BAZ1B: variants seen among roughly 807,000 people sequenced by gnomAD.
The protein encoded by BAZ1B is bromodomain adjacent to zinc finger domain 1B, also known as tyrosine-protein kinase BAZ1B.
BAZ1B carries 22 observed loss-of-function variants against 153.8 expected under a neutral mutation model. The ratio of observed to expected loss-of-function variants is 0.14; its 90% CI spans 0.10 to 0.20. The LOEUF is 0.20. Ranked by LOEUF, BAZ1B falls within the 10% of genes least tolerant of loss-of-function variation. The pLI, the probability that BAZ1B is intolerant of heterozygous loss-of-function variation, is 1.00. For synonymous variants in BAZ1B, 676 were observed against 633.4 expected, an observed-to-expected ratio of 1.07 and a Z score of -1.01; for missense variants, 1,325 against 1,799.3, an observed-to-expected ratio of 0.74 and a Z score of 4.77.
intron 5 of BAZ1B, among the ~76,000 whole-genome samples, chr7:73,490,300 CAATA>C (rs1789584050): frequency 6.6e-6 from 1 of 151,822 alleles, no homozygotes. Context: ...GTTTAGCACA[CAATA>C]AATGAAAAAA....
At chr7:73,459,967 G>A (rs1185331433) in intron 12 of BAZ1B, among the ~76,000 whole-genome samples, 4 of 151,966 alleles carry the variant, frequency 2.6e-5, no homozygotes, top group Non-Finnish European at 5.9e-5. Flanking sequence ...GGCCAAGGCG[G>A]GCGAATCACC....
At chr7:73,465,790 C>CATA (rs1788561104) in intron 10 of BAZ1B, among the ~76,000 whole-genome samples, 1 of 152,076 alleles carries the variant, frequency 6.6e-6, no homozygotes, top group African/African-American at 2.4e-5. Flanking sequence ...AGTTAATTGG[C>CATA]ATACTTGTCC....
At chr7:73,489,075 A>T (rs1309663258) in intron 6 of BAZ1B, 119 bp downstream of exon 6, 14 of 1,087,436 alleles carry the variant, frequency 1.3e-5, no homozygotes, top group Admixed American at 1.1e-4. Context: ...TACCTGAAAA[A>T]TTTTTAATTC....
intron 3 of BAZ1B, among the ~76,000 whole-genome samples, chr7:73,506,881 C>CTTT (rs782216219): frequency 3.2e-5 from 4 of 123,264 alleles, no homozygotes; most frequent in African/African-American, 1.2e-4. Flanking sequence ...GTCTTAAAGT[C>CTTT]TTTTTTTTTT....
intron 16 of BAZ1B, among the ~76,000 whole-genome samples, chr7:73,444,372 G>A (rs1787745634): frequency 6.6e-6 from 1 of 152,168 alleles, no homozygotes; most frequent in Middle Eastern, 3.2e-3. Flanking sequence ...AGAGGGCTAG[G>A]TCCTTCAGTA....
At chr7:73,443,565 AACT>A (rs1787710899) in intron 17 of BAZ1B, among the ~76,000 whole-genome samples, 1 of 152,158 alleles carries the variant, frequency 6.6e-6, no homozygotes, top group Non-Finnish European at 1.5e-5. Flanking sequence ...GAGATCTAAA[AACT>A]ACTAAAATTA....
chr7:73,480,333 A>C (rs1789154010), intron 6 of BAZ1B, among the ~76,000 whole-genome samples: 1 of 152,062 alleles, frequency 6.6e-6, no homozygotes, highest in Non-Finnish European at 1.5e-5. Flanking sequence ...CATCATATAC[A>C]ATCAGTTAAC....
intron 13 of BAZ1B, 146 bp downstream of exon 13, chr7:73,459,389 TA>T (rs372881709): frequency 0.13 from 79,308 of 605,944 alleles, 84 homozygotes; most frequent in Middle Eastern, 0.17. Flanking sequence ...AGAAAGTGAT[TA>T]AAAAAAAAAA....
At chr7:73,499,033 AT>A (rs1440277967) in intron 3 of BAZ1B, among the ~76,000 whole-genome samples, 4 of 150,246 alleles carry the variant, frequency 2.7e-5, no homozygotes, top group Non-Finnish European at 1.5e-5. Context: ...ACTTATTATT[AT>A]TTTTTTTTTG....
chr7:73,500,124 T>C (rs1554576944), intron 3 of BAZ1B, among the ~76,000 whole-genome samples: 1 of 152,198 alleles, frequency 6.6e-6, no homozygotes, highest in Admixed American at 6.6e-5. Context: ...GTCTACCCTT[T>C]AATTGAAATG....
At chr7:73,492,617 C>A (rs184249295) in intron 5 of BAZ1B, among the ~76,000 whole-genome samples, 183 bp downstream of exon 5, 2 of 152,286 alleles carry the variant, frequency 1.3e-5, no homozygotes, top group East Asian at 3.9e-4. Context: ...ATGGTATCTT[C>A]TAGGAAAGAA....
At chr7:73,518,345 G>A (rs945563862) in intron 1 of BAZ1B, among the ~76,000 whole-genome samples, 4 of 151,866 alleles carry the variant, frequency 2.6e-5, no homozygotes, top group East Asian at 1.9e-4. Flanking sequence ...CCCGGGAGGC[G>A]GAGCTTGCAG....
At chr7:73,483,466 T>C (rs1789277395) in intron 6 of BAZ1B, among the ~76,000 whole-genome samples, 1 of 152,246 alleles carries the variant, frequency 6.6e-6, no homozygotes, top group Non-Finnish European at 1.5e-5. Context: ...CTTTTCTCAA[T>C]TTCCACATGC....
At position 73,478,266 on chromosome 7, in the gene BAZ1B, C is replaced by G; in HGVS notation, c.1195G>C (p.Asp399His). ...PPAKKPGKHS[D>H]KPLKAKGRSK... is the part of the protein sequence containing the mutation. ...CTGCCCTTTGCCTTCAAAGGCTTGT[C>G]ACTGTGCTTCCCTGGTTTCTTGGCA... Residue 399 changes from aspartate to histidine, a missense_variant, in exon 7 of 20, where the codon GAC (aspartate) becomes CAC (histidine). Physicochemically the swap from Asp to His is moderately conservative, Grantham distance 81 (BLOSUM62 -1). Transcript: ENST00000339594. 6.2e-7 allele frequency: 1 copy of G among 1,614,222 alleles called. No individual in the cohort carries two copies. The highest frequency in any genetic ancestry group is 8.5e-7 in the Non-Finnish European group (1 of 1,180,036).
At chr7:73,516,091 G>A (rs541515084) in intron 1 of BAZ1B, among the ~76,000 whole-genome samples, 3 of 152,326 alleles carry the variant, frequency 2.0e-5, no homozygotes, top group Non-Finnish European at 1.5e-5. Flanking sequence ...AGGTTGCAGT[G>A]AGCCGAGATG....
chr7:73,516,057 G>T (rs1554579235), intron 1 of BAZ1B, among the ~76,000 whole-genome samples: 1 of 152,214 alleles, frequency 6.6e-6, no homozygotes, highest in Non-Finnish European at 1.5e-5. Context: ...TGAGGCAGGA[G>T]AATCACTTGA....
At chr7:73,516,225 T>A (rs188916212) in intron 1 of BAZ1B, among the ~76,000 whole-genome samples, 4 of 152,266 alleles carry the variant, frequency 2.6e-5, no homozygotes, top group Admixed American at 6.5e-5. Flanking sequence ...TACATTGCCT[T>A]GTCTGGTCTC....
intron 7 of BAZ1B, among the ~76,000 whole-genome samples, chr7:73,475,615 T>C (rs532285750): frequency 2.6e-5 from 4 of 152,302 alleles, no homozygotes; most frequent in Admixed American, 2.0e-4. Context: ...TAAAAATGTT[T>C]TGGGGCCAGG....
At position 73,450,146 on chromosome 7, in the gene BAZ1B, CA is replaced by C. The variant is rs1416034264; in HGVS notation, c.3581-458del. Among the ~76,000 whole-genome samples, 3 of 151,978 alleles carry C rather than the reference CA, an allele frequency of 2.0e-5. No individual in the cohort carries two copies. The highest frequency in any genetic ancestry group is 2.0e-4 in the Admixed American group (3 of 15,266). ...CACTGCAACCTCCGCCTCCCGGGTTCAAGTGATTCTCCTGCTTCAGCCTCCC... is the reference window on the plus strand; with the variant it reads ...CACTGCAACCTCCGCCTCCCGGGTTCAGTGATTCTCCTGCTTCAGCCTCCC... On this transcript the variant is annotated intron_variant, in intron 14 of 19. Transcript: ENST00000339594. This position sits in a 1 kb window ranked among gnomAD's most constrained non-coding sequence, Gnocchi z 4.1.
Sources: gnomAD v4.1 joint callset for allele counts (sites outside exome capture counted in the v4.1 genomes callset) on GRCh38, gnomAD v4.1.1 for gene constraint, Gnocchi (gnomAD v3.1) non-coding constraint, MANE v1.5 for transcripts, NCBI Gene and HGNC (gene_info 2026-07-23, HGNC 2026-07-21) for gene names.